The following DSCAML1 variants were observed in gnomAD, a reference collection of about 807,000 sequenced individuals.
DSCAML1 encodes cell adhesion molecule DSCAML1.
DSCAML1 carries 38 observed loss-of-function variants against 200.5 expected under a neutral mutation model. That is an observed-to-expected ratio of 0.19 (90% CI 0.15 to 0.25). The LOEUF (loss-of-function observed/expected upper bound fraction) is 0.25. Among genes scored for constraint, DSCAML1 ranks in the 10% least tolerant of loss-of-function variants. The probability of loss-of-function intolerance (pLI) is 1.00; values close to 1 mark genes in which losing one functional copy is unlikely to be tolerated. For synonymous variants in DSCAML1, 1,215 were observed against 1,165.0 expected, an observed-to-expected ratio of 1.04 and a Z score of -0.87; for missense variants, 2,223 against 2,858.8, an observed-to-expected ratio of 0.78 and a Z score of 5.07.
intron 3 of DSCAML1, among the ~76,000 whole-genome samples, chr11:117,722,561 G>A (rs2054058598): frequency 6.6e-6 from 1 of 152,138 alleles, no homozygotes; most frequent in Non-Finnish European, 1.5e-5. Context: ...AATGATAAAT[G>A]TTTGAGGTGA....
chr11:117,460,996 T>A (rs2048469861), intron 18 of DSCAML1, among the ~76,000 whole-genome samples: 1 of 151,978 alleles, frequency 6.6e-6, no homozygotes, highest in East Asian at 1.9e-4. Flanking sequence ...AACTCTTTGA[T>A]CGCCCCATTT....
chr11:117,660,128 G>A (rs1358830298), intron 3 of DSCAML1, among the ~76,000 whole-genome samples: 1 of 152,042 alleles, frequency 6.6e-6, no homozygotes, highest in Non-Finnish European at 1.5e-5. Flanking sequence ...CCCCAACACA[G>A]GCCATAGGAA....
chr11:117,577,493 CCTTCCTT>C (rs2050961789), intron 3 of DSCAML1, among the ~76,000 whole-genome samples: 1 of 20,492 alleles, frequency 4.9e-5, no homozygotes, highest in African/African-American at 1.2e-4. Flanking sequence ...TTCCTTCCTT[CCTTCCTT>C]CCTTCCCTCC....
chr11:117,458,646 G>A, intron 19 of DSCAML1, 108 bp downstream of exon 19: 1 of 1,386,420 alleles, frequency 7.2e-7, no homozygotes, highest in Non-Finnish European at 9.8e-7. Context: ...CAGTTTGAAG[G>A]CCAGGAGAAA....
At chr11:117,544,074 T>A (rs771192793) in intron 3 of DSCAML1, among the ~76,000 whole-genome samples, 1 of 152,114 alleles carries the variant, frequency 6.6e-6, no homozygotes, top group Non-Finnish European at 1.5e-5. Context: ...AGGCTTTGCA[T>A]TGAGACCAGG....
chr11:117,535,200 G>A (rs1007832324), intron 3 of DSCAML1, among the ~76,000 whole-genome samples: 4 of 152,126 alleles, frequency 2.6e-5, no homozygotes, highest in African/African-American at 4.8e-5. Flanking sequence ...AGGCACCCCC[G>A]TTATACTACT....
At chr11:117,689,150 G>A (rs2053455649) in intron 3 of DSCAML1, among the ~76,000 whole-genome samples, 2 of 152,206 alleles carry the variant, frequency 1.3e-5, no homozygotes, top group African/African-American at 4.8e-5. Context: ...TGAGGAAACC[G>A]AGACTCACAG....
Position 117,505,138 on chromosome 11 carries a change from C to T in DSCAML1, c.2063-95G>A, listed in dbSNP as rs141701802. On this transcript the variant is annotated intron_variant, in intron 9 of 32. Coordinates refer to ENST00000651296, the MANE Select transcript of DSCAML1 (RefSeq NM_020693.4). This position sits in a 1 kb window ranked among gnomAD's most constrained non-coding sequence, Gnocchi z 6.7. ...CCTTCTGTTTGAGGTCAGCCCTGCCCGGGCCATTATAAAGTTGGAAGCGGG... is the reference window on the plus strand; with the variant it reads ...CCTTCTGTTTGAGGTCAGCCCTGCCTGGGCCATTATAAAGTTGGAAGCGGG... 0.011 allele frequency: 17,384 copies of T among 1,512,570 alleles called. 414 individuals are homozygous for T. The highest frequency in any genetic ancestry group is 0.082 in the South Asian group (6,259 of 76,510). The allele number at this position is 1,512,570 out of a possible 1,614,324, so 93.7% of individuals were successfully genotyped here. A position where few individuals can be genotyped will look rare whatever the true frequency, so the allele number is the denominator to read the frequency against.
intron 3 of DSCAML1, chr11:117,611,873 T>G (rs1180394594): frequency 2.0e-5 from 3 of 152,240 alleles, no homozygotes; most frequent in Admixed American, 6.5e-5. Flanking sequence ...ACTATCCAGC[T>G]CTCTAAGTCG....
At chr11:117,774,463 T>C (rs1040653809) in intron 3 of DSCAML1, among the ~76,000 whole-genome samples, 24 of 152,222 alleles carry the variant, frequency 1.6e-4, no homozygotes, top group African/African-American at 5.8e-4. Flanking sequence ...ATTCATTTCA[T>C]TCTTACTCGA....
intron 28 of DSCAML1, 88 bp downstream of exon 28, chr11:117,433,353 A>C: frequency 6.3e-7 from 1 of 1,582,628 alleles, no homozygotes; most frequent in Non-Finnish European, 8.6e-7. Context: ...CCTGCCTCCT[A>C]TTCTGGGAGT....
At chr11:117,626,532 G>A (rs2137561894) in intron 3 of DSCAML1, among the ~76,000 whole-genome samples, 1 of 152,238 alleles carries the variant, frequency 6.6e-6, no homozygotes, top group Middle Eastern at 3.4e-3. Context: ...GCTTCACTGG[G>A]GCAGTCATGT....
At chr11:117,647,498 C>T (rs1018259431) in intron 3 of DSCAML1, among the ~76,000 whole-genome samples, 16 of 152,206 alleles carry the variant, frequency 1.1e-4, no homozygotes, top group Admixed American at 7.2e-4. Context: ...GCTCCAAGAC[C>T]TAGGTGTGAG....
chr11:117,710,081 G>T (rs2053820822), intron 3 of DSCAML1, among the ~76,000 whole-genome samples: 1 of 152,154 alleles, frequency 6.6e-6, no homozygotes, highest in Admixed American at 6.5e-5. Flanking sequence ...TGTTCTGATG[G>T]TCTGGGATTT....
intron 12 of DSCAML1, 83 bp from the exon 13 acceptor site, chr11:117,481,353 G>A: frequency 7.2e-7 from 1 of 1,380,324 alleles, no homozygotes; most frequent in Middle Eastern, 1.8e-4. Context: ...GTCACTCCAG[G>A]GCTCTCAGCA....
chr11:117,752,461 G>A (rs988457469), intron 3 of DSCAML1, among the ~76,000 whole-genome samples: 1 of 152,306 alleles, frequency 6.6e-6, no homozygotes, highest in East Asian at 1.9e-4. Flanking sequence ...TGGAGGTCAG[G>A]AGAGGATGCT....
upstream of DSCAML1, chr11:117,801,752 G>C (rs1172465616): frequency 2.6e-5 from 4 of 152,172 alleles, no homozygotes; most frequent in Non-Finnish European, 4.4e-5. Flanking sequence ...AAAGCCCTGG[G>C]GCTCCGCCTG....
At chr11:117,435,586 G>T in intron 27 of DSCAML1, 58 bp downstream of exon 27, 2 of 1,531,514 alleles carry the variant, frequency 1.3e-6, no homozygotes, top group Non-Finnish European at 1.8e-6. Context: ...GAAGGGGGGG[G>T]ACAATGTGGC....
intron 3 of DSCAML1, among the ~76,000 whole-genome samples, chr11:117,597,542 A>C (rs185630199): frequency 2.0e-5 from 3 of 152,312 alleles, no homozygotes; most frequent in Admixed American, 1.3e-4. Context: ...TCCACCCCCC[A>C]GGTTCAAGCA....
Sources: gnomAD v4.1 joint callset for allele counts (sites outside exome capture counted in the v4.1 genomes callset) on GRCh38, gnomAD v4.1.1 for gene constraint, Gnocchi (gnomAD v3.1) non-coding constraint, MANE v1.5 for transcripts, NCBI Gene and HGNC (gene_info 2026-07-23, HGNC 2026-07-21) for gene names.